The following DNAH6 variants were observed in gnomAD, a reference collection of about 807,000 sequenced individuals.
The protein encoded by DNAH6 is axonemal beta dynein heavy chain 6.
A neutral mutation model predicts 491.4 loss-of-function variants in DNAH6; 340 were observed. The ratio of observed to expected loss-of-function variants is 0.69; its 90% CI spans 0.63 to 0.76. The LOEUF (loss-of-function observed/expected upper bound fraction) is 0.76. Ranked by LOEUF, DNAH6 falls within the 30% of genes least tolerant of loss-of-function variation. The pLI is 0.00. For missense variants in DNAH6, 4,443 were observed against 4,972.2 expected, an observed-to-expected ratio of 0.89 and a Z score of 3.20; for synonymous variants, 1,603 against 1,686.1, an observed-to-expected ratio of 0.95 and a Z score of 1.21.
At chr2:84,669,268 G>T (rs748516033) in intron 37 of DNAH6, 21 bp from the exon 38 acceptor site, 2 of 1,515,864 alleles carry the variant, frequency 1.3e-6, no homozygotes, top group East Asian at 2.5e-5. Flanking sequence ...ATTGAAAGTG[G>T]TGTTTAATTT....
intron 38 of DNAH6, among the ~76,000 whole-genome samples, chr2:84,669,985 G>C (rs1692564736): frequency 6.6e-6 from 1 of 152,158 alleles, no homozygotes; most frequent in South Asian, 2.1e-4. Context: ...TGGTTTTGGA[G>C]AATCCACGTA....
chr2:84,646,262 T>C (rs578181865), intron 33 of DNAH6, among the ~76,000 whole-genome samples: 1 of 152,318 alleles, frequency 6.6e-6, no homozygotes, highest in African/African-American at 2.4e-5. Context: ...ATGTGTGTGC[T>C]CTGACTGCTC....
At chr2:84,616,838 T>A (rs967042104) in intron 22 of DNAH6, 48 bp from the exon 23 acceptor site, 7 of 1,018,490 alleles carry the variant, frequency 6.9e-6, no homozygotes, top group African/African-American at 6.8e-5. Flanking sequence ...CAGAAAAAAA[T>A]TTGATTTTAA....
At chr2:84,516,083 C>T (rs558139131), upstream of DNAH6, among the ~76,000 whole-genome samples, 1 of 152,296 alleles carries the variant, frequency 6.6e-6, no homozygotes, top group South Asian at 2.1e-4. Context: ...TCTACACAAC[C>T]CACATTCCTC....
intron 14 of DNAH6, among the ~76,000 whole-genome samples, 197 bp from the exon 15 acceptor site, chr2:84,583,802 C>T (rs567267248): frequency 6.6e-6 from 1 of 152,178 alleles, no homozygotes; most frequent in East Asian, 1.9e-4. Context: ...TGTGAGTCCT[C>T]CCCAGCCATG....
At chr2:84,712,982 T>G (rs1697197266) in intron 56 of DNAH6, 113 bp from the exon 57 acceptor site, 1 of 891,250 alleles carries the variant, frequency 1.1e-6, no homozygotes, top group Admixed American at 2.8e-5. Flanking sequence ...ATCAGATCAC[T>G]GGAAAATTAT....
the DNAH6 span, among the ~76,000 whole-genome samples, chr2:84,463,537 T>C: frequency 3.9e-5 from 6 of 152,190 alleles, no homozygotes; most frequent in South Asian, 1.2e-3. Flanking sequence ...TCCAGTTTCT[T>C]GTGTATCCTT....
At chr2:84,709,676 G>A (rs929305411) in intron 55 of DNAH6, 130 bp downstream of exon 55, 4 of 1,044,916 alleles carry the variant, frequency 3.8e-6, no homozygotes, top group Non-Finnish European at 5.6e-6. Flanking sequence ...TTTAGACCTA[G>A]AAGAGAGTGT....
intron 33 of DNAH6, among the ~76,000 whole-genome samples, chr2:84,645,176 T>C (rs1338025467): frequency 3.9e-5 from 6 of 152,138 alleles, no homozygotes; most frequent in Non-Finnish European, 8.8e-5. Context: ...TCCCAACACT[T>C]TGGGAGGATG....
At chr2:84,749,245 A>T (rs138292033) in intron 63 of DNAH6, among the ~76,000 whole-genome samples, 6 of 152,242 alleles carry the variant, frequency 3.9e-5, no homozygotes, top group Admixed American at 6.5e-5. Flanking sequence ...AGATGATTAT[A>T]ATAAAAGAAT....
intron 64 of DNAH6, among the ~76,000 whole-genome samples, chr2:84,774,588 T>C (rs1372504051): frequency 6.6e-6 from 1 of 151,702 alleles, no homozygotes; most frequent in African/African-American, 2.4e-5. Context: ...AGTTTTGCAG[T>C]GATATGGGTA....
At chr2:84,510,004 A>G in the DNAH6 span, among the ~76,000 whole-genome samples, 14 of 152,180 alleles carry the variant, frequency 9.2e-5, no homozygotes, top group Admixed American at 9.2e-4. Context: ...GGCTGCCCTT[A>G]ACATTTTTTC....
chr2:84,564,045 C>A (rs2364907), intron 11 of DNAH6, among the ~76,000 whole-genome samples: 146,934 of 152,178 alleles, frequency 0.97, 70,982 homozygotes, highest in East Asian at 1. Context: ...GTTCTGTTCT[C>A]TTGGTCTATG....
chr2:84,718,484 G>A, intron 59 of DNAH6, 100 bp downstream of exon 59: 1 of 948,074 alleles, frequency 1.1e-6, no homozygotes, highest in Non-Finnish European at 1.5e-6. Context: ...GCAAGACGGG[G>A]GCCACACTGG....
rs1236720192 is a variant in DNAH6, at chr2:84,790,906, A to G, written c.11239+3604A>G. ...CATATGTCCTCACAAAAACTTGTAC[A>G]CAAGGCCGGGCGCAGTGGCTCACGC... On this transcript the variant is annotated intron_variant, in intron 68 of 76. Transcript: ENST00000389394. 2.6e-5 allele frequency among the ~76,000 whole-genome samples: 4 copies of G among 152,196 alleles called. No individual in the cohort carries two copies. The East Asian group carries it at 7.7e-4, about 29-fold the overall frequency.
intron 11 of DNAH6, among the ~76,000 whole-genome samples, chr2:84,559,437 C>T (rs1157188228): frequency 2.6e-5 from 4 of 152,122 alleles, no homozygotes; most frequent in Non-Finnish European, 5.9e-5. Context: ...AAAGAACCTA[C>T]TTGGGAGGCT....
At position 84,517,816 on chromosome 2, in the gene DNAH6, C is replaced by T; in HGVS notation, c.-8-3C>T. 6.5e-7 allele frequency: 1 copy of T among 1,545,644 alleles called. No homozygotes were observed. Among genetic ancestry groups the T allele is most frequent in the Non-Finnish European group, 8.7e-7 (1 of 1,144,140 alleles). On this transcript the variant is annotated splice_region_variant and splice_polypyrimidine_tract_variant and intron_variant, in intron 1 of 76. Transcript: ENST00000389394. ...TTTCTTTTTCCTCACCTATTCTTTT[C>T]AGGAGTAAGGATGACTTTTCGGGCC...
In DNAH6 at chr2:84,729,155, C is replaced by T. The variant is rs79947120; in HGVS notation, c.10206+1253C>T. Among the ~76,000 whole-genome samples the T allele has an allele frequency of 5.6e-3, 848 of 152,262 alleles. 9 individuals carry two copies. Among genetic ancestry groups the T allele is most frequent in the African/African-American group, 0.019 (803 of 41,546 alleles). The stretch of plus-strand genomic sequence containing the variant: ...CTCCTCTCTTAATGTGTTTTATCCT[C>T]GTAATCACAGTTCATATTTACAGAG... On this transcript the variant is annotated intron_variant, in intron 61 of 76. Coordinates refer to ENST00000389394, the MANE Select transcript of DNAH6 (RefSeq NM_001370.2).
the DNAH6 span, among the ~76,000 whole-genome samples, chr2:84,498,573 C>T: frequency 6.6e-6 from 1 of 151,890 alleles, no homozygotes; most frequent in African/African-American, 2.4e-5. Flanking sequence ...TGGAAAACAC[C>T]CAGATTCAAG....
Sources: allele counts gnomAD v4.1 joint callset (sites outside exome capture counted in the v4.1 genomes callset), GRCh38; gene constraint gnomAD v4.1.1; transcripts MANE v1.5; gene names NCBI Gene and HGNC (gene_info 2026-07-23, HGNC 2026-07-21).